Variants in SBF2 observed in about 807,000 individuals in gnomAD.
The protein encoded by SBF2 is myotubularin-related protein 13.
Under a neutral mutation model 225.2 loss-of-function variants are expected in SBF2, and 112 were observed. The observed-to-expected ratio is 0.50, with a 90% CI of 0.43 to 0.58. The LOEUF (loss-of-function observed/expected upper bound fraction) is 0.58, where lower values mean the gene tolerates loss of function less well. SBF2 is among the 20% of genes least tolerant of loss of function. The pLI is 0.00. For synonymous variants in SBF2, 763 were observed against 773.3 expected, an observed-to-expected ratio of 0.99 and a Z score of 0.22; for missense variants, 1,996 against 2,206.2, an observed-to-expected ratio of 0.90 and a Z score of 1.91.
At chr11:9,976,072 C>CTTTTTTTT (rs773334975) in intron 13 of SBF2, among the ~76,000 whole-genome samples, 3 of 128,260 alleles carry the variant, frequency 2.3e-5, no homozygotes, top group Non-Finnish European at 3.3e-5. Flanking sequence ...TCTTCTTCTT[C>CTTTTTTTT]TTTTTTTTTT....
At chr11:10,075,676 T>C (rs1408621282) in intron 2 of SBF2, among the ~76,000 whole-genome samples, 1 of 151,956 alleles carries the variant, frequency 6.6e-6, no homozygotes, top group Non-Finnish European at 1.5e-5. Context: ...TCTGCCATGA[T>C]TGTAAGTTTC....
At chr11:9,825,479 A>T (rs1855010305) in intron 28 of SBF2, among the ~76,000 whole-genome samples, 1 of 152,152 alleles carries the variant, frequency 6.6e-6, no homozygotes, top group Admixed American at 6.5e-5. Context: ...GGAAACCAAT[A>T]CAACGACTTC....
rs1949035759 is a variant in SBF2, at chr11:10,025,904, C to CA, written c.619+2547_619+2548insT. 3.3e-5 allele frequency among the ~76,000 whole-genome samples: 5 copies of CA among 152,070 alleles called. No homozygotes were observed. The South Asian group carries it at 1.0e-3, about 32-fold the overall frequency. On this transcript the variant is annotated intron_variant, in intron 6 of 39. Transcript: ENST00000256190. ...GCATGAGCCACTGTGCCTGGTCTAG[C>CA]GGATGTTCTTTATATTTGTGTATCT...
At chr11:10,158,091 G>A (rs939769795) in intron 2 of SBF2, among the ~76,000 whole-genome samples, 1 of 152,078 alleles carries the variant, frequency 6.6e-6, no homozygotes, top group Non-Finnish European at 1.5e-5. Context: ...AGCAACCAAT[G>A]TATCGAAGAA....
intron 1 of SBF2, among the ~76,000 whole-genome samples, chr11:10,223,832 A>G (rs911571833): frequency 6.6e-6 from 1 of 152,066 alleles, no homozygotes. Flanking sequence ...CTGGCATCAT[A>G]TGGTATTTTA....
At chr11:9,838,744 T>TA (rs1366776509) in intron 26 of SBF2, 1 of 152,198 alleles carries the variant, frequency 6.6e-6, no homozygotes, top group East Asian at 1.9e-4. Flanking sequence ...CAGGAATTTA[T>TA]AAATGCAAAG....
intron 32 of SBF2, among the ~76,000 whole-genome samples, chr11:9,807,287 C>A (rs1318948548): frequency 7.2e-5 from 11 of 152,198 alleles, no homozygotes; most frequent in Admixed American, 7.2e-4. Context: ...ATCTGATGTG[C>A]CTGCGATGAA....
rs774810679 is a variant in SBF2 at position 9,787,583 on chromosome 11, A to G, written c.5037+51T>C. On this transcript the variant is annotated intron_variant, in intron 36 of 39. Transcript: ENST00000256190. ...TGTGGCAGCAGGCTCCACCTGACTT[A>G]GCACCCTCAGAAAGCTCAGAAGTGG... 9 of 1,500,666 alleles carry G rather than the reference A, an allele frequency of 6.0e-6. No homozygotes were observed. The African/African-American group carries it at 1.1e-4, about 18-fold the overall frequency. 93.0% of individuals were successfully genotyped at this position (1,500,666 alleles called of 1,614,324 possible).
intron 16 of SBF2, chr11:9,960,838 T>A (rs896815059): frequency 1.3e-5 from 2 of 152,124 alleles, no homozygotes; most frequent in Non-Finnish European, 2.9e-5. Context: ...CTAATTTTTG[T>A]ATTTTTAGTA....
intron 2 of SBF2, among the ~76,000 whole-genome samples, chr11:10,156,559 C>A (rs73415005): frequency 0.011 from 1,687 of 152,360 alleles, 38 homozygotes; most frequent in African/African-American, 0.038. Context: ...GTGAGAACTT[C>A]ATTGATGGCT....
intron 18 of SBF2, among the ~76,000 whole-genome samples, chr11:9,857,834 A>AT (rs1185437746): frequency 3.0e-4 from 45 of 152,316 alleles, no homozygotes; most frequent in African/African-American, 1.0e-3. Flanking sequence ...TATTACTGGC[A>AT]TTTTTTTAAT....
intron 1 of SBF2, among the ~76,000 whole-genome samples, chr11:10,293,477 C>A (rs754470166): frequency 7.2e-5 from 11 of 152,192 alleles, no homozygotes; most frequent in African/African-American, 1.2e-4. Context: ...GCAAAGAATC[C>A]TGTCCCCTTC....
At chr11:9,874,823 C>A (rs1273232787) in intron 17 of SBF2, among the ~76,000 whole-genome samples, 1 of 152,124 alleles carries the variant, frequency 6.6e-6, no homozygotes, top group African/African-American at 2.4e-5. Context: ...TAAAATAACA[C>A]CTCTTGACTT....
intron 2 of SBF2, among the ~76,000 whole-genome samples, chr11:10,157,382 C>T (rs1341500419): frequency 2.0e-5 from 3 of 152,072 alleles, no homozygotes; most frequent in Non-Finnish European, 4.4e-5. Context: ...ATGAAGATGC[C>T]AAAAGCAATT....
chr11:9,993,818 T>G (rs1260671445), intron 10 of SBF2, 103 bp downstream of exon 10: 12 of 1,237,336 alleles, frequency 9.7e-6, no homozygotes, highest in Non-Finnish European at 1.4e-5. Flanking sequence ...CTTTTTACTC[T>G]GCTGTCCATC....
intron 2 of SBF2, among the ~76,000 whole-genome samples, chr11:10,043,544 G>A (rs922138645): frequency 3.3e-5 from 5 of 151,752 alleles, no homozygotes; most frequent in Admixed American, 1.3e-4. Flanking sequence ...GCAGATAGCT[G>A]GAAAATCCAG....
At chr11:10,171,875 C>T (rs986150807) in intron 2 of SBF2, among the ~76,000 whole-genome samples, 6 of 152,166 alleles carry the variant, frequency 3.9e-5, no homozygotes, top group Admixed American at 2.0e-4. Flanking sequence ...AATCTTGGTA[C>T]GTTGTAAATC....
At chr11:10,170,627 C>G (rs1227497397) in intron 2 of SBF2, among the ~76,000 whole-genome samples, 1 of 151,762 alleles carries the variant, frequency 6.6e-6, no homozygotes, top group African/African-American at 2.4e-5. Flanking sequence ...TTTGGCTATT[C>G]TGGGTCTTTT....
intron 17 of SBF2, among the ~76,000 whole-genome samples, chr11:9,861,639 A>C (rs961647760): frequency 8.0e-4 from 118 of 146,754 alleles, no homozygotes; most frequent in Admixed American, 1.2e-3. Context: ...ACTCCAGCCT[A>C]GGCAACAGAG....
Sources: gnomAD v4.1 joint callset for allele counts (sites outside exome capture counted in the v4.1 genomes callset) on GRCh38, gnomAD v4.1.1 for gene constraint, MANE v1.5 for transcripts, NCBI Gene and HGNC (gene_info 2026-07-23, HGNC 2026-07-21) for gene names.